The following FAM13C variants were observed in gnomAD, a reference collection of about 807,000 sequenced individuals.
FAM13C encodes the protein protein FAM13C.
In FAM13C, 37 loss-of-function variants were observed where a neutral mutation model predicts 73.2. The ratio of observed to expected loss-of-function variants is 0.51; its 90% confidence interval spans 0.39 to 0.67. The LOEUF (loss-of-function observed/expected upper bound fraction) is 0.67. Among genes scored for constraint, FAM13C ranks in the 30% least tolerant of loss-of-function variants. The probability of loss-of-function intolerance (pLI) is 0.00; values close to 1 mark genes in which losing one functional copy is unlikely to be tolerated. For missense variants in FAM13C, 589 were observed against 715.6 expected (o/e 0.82, Z 2.02); for synonymous variants, 246 against 260.9 (o/e 0.94, Z 0.55).
At position 59,262,570 on chromosome 10, in the gene FAM13C, G is replaced by T. The variant is rs753741976; in HGVS notation, c.1100C>A (p.Pro367His). 30 of 1,613,594 alleles carry T rather than the reference G, an allele frequency of 1.9e-5. No homozygotes were observed. In the African/African-American group the frequency reaches 2.9e-4, roughly 16 times the overall value. Residue 367 changes from proline (P) to histidine (H), a missense_variant, in exon 10 of 14, where the codon CCC (proline) becomes CAC (histidine). Transcript: ENST00000618804. Reference sequence around the variant, plus strand: ...TTTCCCATTTTCTCTGGGGACTGTGGGTTGCTCACACAACAGGTTTCTAGG... The same window carrying T: ...TTTCCCATTTTCTCTGGGGACTGTGTGTTGCTCACACAACAGGTTTCTAGG... ...GPPRNLLCEQ[P>H]TVPRENGKPE...
At chr10:59,274,508 T>TAG (rs1564510755) in intron 6 of FAM13C, among the ~76,000 whole-genome samples, 1 of 152,116 alleles carries the variant, frequency 6.6e-6, no homozygotes, top group Non-Finnish European at 1.5e-5. Flanking sequence ...CCAGTTTCTA[T>TAG]AGATGGCCAC....
intron 10 of FAM13C, among the ~76,000 whole-genome samples, chr10:59,260,788 T>C (rs1257798289): frequency 6.6e-6 from 1 of 152,202 alleles, no homozygotes; most frequent in African/African-American, 2.4e-5. Context: ...CAACACATAG[T>C]TGGCATTTAA....
chr10:59,318,518 T>C (rs528380040), intron 4 of FAM13C, among the ~76,000 whole-genome samples: 12 of 152,272 alleles, frequency 7.9e-5, no homozygotes, highest in East Asian at 5.8e-4. Context: ...CCAGAAATCA[T>C]TTGACCCAAA....
chr10:59,330,816 C>T (rs1851871780), intron 3 of FAM13C, among the ~76,000 whole-genome samples: 1 of 152,128 alleles, frequency 6.6e-6, no homozygotes, highest in African/African-American at 2.4e-5. Context: ...AAGCAAAAGG[C>T]AAATAGTTTC....
chr10:59,309,095 A>G (rs747423438), intron 4 of FAM13C, among the ~76,000 whole-genome samples: 17 of 152,234 alleles, frequency 1.1e-4, no homozygotes, highest in Non-Finnish European at 2.4e-4. Flanking sequence ...AAGCTTCCCC[A>G]TCTTGCCAAT....
intron 3 of FAM13C, among the ~76,000 whole-genome samples, chr10:59,328,998 T>C (rs1159113186): frequency 2.0e-5 from 3 of 152,294 alleles, no homozygotes; most frequent in East Asian, 1.9e-4. Context: ...TTCTGAATAA[T>C]TGGGGAACTT....
At chr10:59,353,577 A>G (rs1285529918) in intron 2 of FAM13C, among the ~76,000 whole-genome samples, 1 of 152,194 alleles carries the variant, frequency 6.6e-6, no homozygotes, top group Non-Finnish European at 1.5e-5. Flanking sequence ...AAGAAGCAAG[A>G]CCAGCAAAGA....
chr10:59,254,978 A>G (rs1400277013), intron 10 of FAM13C, among the ~76,000 whole-genome samples: 2 of 152,092 alleles, frequency 1.3e-5, no homozygotes, highest in Admixed American at 6.5e-5. Flanking sequence ...AAGTTTAGCA[A>G]TGTGATTTTT....
intron 11 of FAM13C, among the ~76,000 whole-genome samples, chr10:59,253,286 C>G (rs1841589609): frequency 6.6e-6 from 1 of 152,216 alleles, no homozygotes; most frequent in Admixed American, 6.5e-5. Context: ...AGGATATGGT[C>G]CAGTCTGGAC....
Position 59,309,487 on chromosome 10 carries a change from T to A in FAM13C, c.444-6623A>T, listed in dbSNP as rs1257219771. Among the ~76,000 whole-genome samples the A allele has an allele frequency of 3.3e-5, 5 of 152,224 alleles. No homozygotes were observed. In the South Asian group the frequency reaches 1.0e-3, roughly 32 times the overall value. On this transcript the variant is annotated intron_variant, in intron 4 of 13. Transcript: ENST00000618804. The stretch of plus-strand genomic sequence containing the variant: ...CTTGCATCATTCTCCCTCTCTGAAC[T>A]CCAGCTACACTGGCATTCTTTCCGT...
chr10:59,250,740 T>G (rs574840849), intron 13 of FAM13C, among the ~76,000 whole-genome samples: 14 of 152,348 alleles, frequency 9.2e-5, no homozygotes, highest in Non-Finnish European at 1.0e-4. Context: ...AGTTGAATAA[T>G]GAGTTTAATC....
At chr10:59,346,222 A>G (rs576112360) in intron 3 of FAM13C, among the ~76,000 whole-genome samples, 11 of 150,768 alleles carry the variant, frequency 7.3e-5, no homozygotes, top group African/African-American at 2.7e-4. Flanking sequence ...ATGGCCCAGA[A>G]TTAACTATTG....
At chr10:59,249,329 A>G (rs549565813) in intron 13 of FAM13C, among the ~76,000 whole-genome samples, 115 of 79,300 alleles carry the variant, frequency 1.5e-3, no homozygotes, top group African/African-American at 3.7e-3. Context: ...GCGTGAACCC[A>G]GGAGGCGGAG....
intron 3 of FAM13C, among the ~76,000 whole-genome samples, chr10:59,348,295 A>G (rs1278889480): frequency 6.6e-6 from 1 of 152,220 alleles, no homozygotes; most frequent in Non-Finnish European, 1.5e-5. Flanking sequence ...TGTAGCTGCA[A>G]CATAAGCCCA....
At position 59,247,173 on chromosome 10, in the gene FAM13C, T is replaced by C; in HGVS notation, c.*441A>G. 1 of 161,284 alleles carries C rather than the reference T, an allele frequency of 6.2e-6. No individual in the cohort carries two copies. Among genetic ancestry groups the C allele is most frequent in the Middle Eastern group, 3.0e-3 (1 of 336 alleles). The allele number at this position is 161,284 out of a possible 1,614,324, so 10.0% of individuals were successfully genotyped here. A position where few individuals can be genotyped will look rare whatever the true frequency, so the allele number is the denominator to read the frequency against. On this transcript the variant is annotated 3_prime_UTR_variant, in exon 14 of 14. Transcript: ENST00000618804. ...TCAAATAAATTGCTTTCTTGCTAGC[T>C]GTATTCCTTCCTACTTGAAAAGCGA... is the stretch of plus-strand genomic sequence containing the variant.
Position 59,345,326 on chromosome 10 carries a change from T to G in FAM13C, c.324+6944A>C, listed in dbSNP as rs1223196692. Among the ~76,000 whole-genome samples the G allele has an allele frequency of 2.0e-5, 3 of 152,348 alleles. No homozygotes were observed. The East Asian group carries it at 5.8e-4, about 29-fold the overall frequency. On this transcript the variant is annotated intron_variant, in intron 3 of 13. Transcript: ENST00000618804. ...GCTACAATACCAAATTATCAAATTC[T>G]CCATTGGTTAACTTAAAAGACTCAA...
At chr10:59,337,489 A>G (rs960784716) in intron 3 of FAM13C, among the ~76,000 whole-genome samples, 2 of 152,160 alleles carry the variant, frequency 1.3e-5, no homozygotes, top group Admixed American at 1.3e-4. Context: ...TTCAGAAGCA[A>G]CTGACTGGCT....
At chr10:59,314,741 G>A (rs1260364807) in intron 4 of FAM13C, among the ~76,000 whole-genome samples, 1 of 152,072 alleles carries the variant, frequency 6.6e-6, no homozygotes, top group Non-Finnish European at 1.5e-5. Flanking sequence ...GCATCTGCAG[G>A]ATCATCAGAG....
intron 3 of FAM13C, among the ~76,000 whole-genome samples, chr10:59,351,869 G>A (rs545247604): frequency 2.0e-5 from 3 of 151,726 alleles, no homozygotes; most frequent in Non-Finnish European, 2.9e-5. Flanking sequence ...GGTGGCAGGC[G>A]CCTGTAATCC....
Sources: gnomAD v4.1 joint callset for allele counts (sites outside exome capture counted in the v4.1 genomes callset) on GRCh38, gnomAD v4.1.1 for gene constraint, MANE v1.5 for transcripts, NCBI Gene and HGNC (gene_info 2026-07-23, HGNC 2026-07-21) for gene names.